The following BAHCC1 variants were observed in gnomAD, a reference collection of about 807,000 sequenced individuals.
The protein encoded by BAHCC1 is BAH domain and coiled-coil containing 1.
BAHCC1 carries 43 observed loss-of-function variants against 88.2 expected under a neutral mutation model. The observed-to-expected ratio is 0.49, with a 90% CI of 0.38 to 0.63. The LOEUF (loss-of-function observed/expected upper bound fraction) is 0.63, where lower values mean the gene tolerates loss of function less well. Among genes scored for constraint, BAHCC1 ranks in the 20% least tolerant of loss-of-function variants. The pLI, the probability that BAHCC1 is intolerant of heterozygous loss-of-function variation, is 0.00. For synonymous variants in BAHCC1, 1,510 were observed against 745.5 expected, an observed-to-expected ratio of 2.03 and a Z score of -16.71; for missense variants, 3,023 against 1,654.8, an observed-to-expected ratio of 1.83 and a Z score of -14.34.
At chr17:81,462,233 C>A (rs868955406) in intron 26 of BAHCC1, among the ~76,000 whole-genome samples, 187 bp downstream of exon 26, 1 of 152,256 alleles carries the variant, frequency 6.6e-6, no homozygotes, top group Non-Finnish European at 1.5e-5. Flanking sequence ...TTCCGCTGGC[C>A]CCTCGCTGGA....
intron 15 of BAHCC1, 28 bp downstream of exon 15, chr17:81,455,418 C>G (rs563793345): frequency 5.8e-5 from 41 of 712,494 alleles, no homozygotes; most frequent in Admixed American, 1.0e-4. Flanking sequence ...CGCCTTGCCC[C>G]AGGGCCCTTC....
In BAHCC1 at chr17:81,460,872, C is replaced by A. The variant is rs782638820; in HGVS notation, c.6209C>A (p.Ala2070Asp). The A allele has an allele frequency of 2.1e-5, 16 of 766,392 alleles. No homozygotes were observed. The highest frequency in any genetic ancestry group is 4.8e-6 in the Non-Finnish European group (2 of 417,902). 47.5% of individuals were successfully genotyped at this position (766,392 alleles called of 1,614,324 possible). ...GCTGGGCTTTTGCCCTCAGGTAAAG[C>A]CGAACTCCTAACCTCAGGTGCCAAA... The part of the protein sequence containing the change: ...KSISKDKAGK[A>D]ELLTSGAKSP... The change falls in exon 26 of 28, where the codon GCC (alanine) becomes GAC (aspartate). Residue 2070 changes from alanine to aspartate, a missense_variant. Coordinates refer to ENST00000675386, the MANE Select transcript of BAHCC1 (RefSeq NM_001377448.1).
At chr17:81,456,692 G>T (rs2064756188) in intron 16 of BAHCC1, 107 bp downstream of exon 16, 1 of 614,498 alleles carries the variant, frequency 1.6e-6, no homozygotes, top group Admixed American at 3.0e-5. Context: ...CTGGGTCATG[G>T]CTTGTGGGGT....
At position 81,441,880 on chromosome 17, in the gene BAHCC1, C is replaced by A; in HGVS notation, c.531C>A (p.Ala177=). Residue 177 remains alanine (A), a synonymous_variant, in exon 5 of 28, where the codon GCC becomes GCA. Coordinates refer to ENST00000675386, the MANE Select transcript of BAHCC1 (RefSeq NM_001377448.1). The stretch of plus-strand genomic sequence containing the variant: ...CGCCCCAGCCCACGCTGCTGCCGGC[C>A]AACCACAACTTCCCCAGCGTGGCCC... The part of the protein sequence containing the change: ...NLPPQPTLLP[A]NHNFPSVARA... 3.0e-6 allele frequency: 2 copies of A among 673,022 alleles called. No individual in the cohort carries two copies. The highest frequency in any genetic ancestry group is 3.3e-5 in the South Asian group (2 of 59,842). 41.7% of individuals were successfully genotyped at this position (673,022 alleles called of 1,614,324 possible).
rs782020162 is a variant in BAHCC1 at position 81,458,272 on chromosome 17, G to C, written c.5149G>C (p.Gly1717Arg). ...GCGGGCCCCAGGGCAGAGGCCCCCA[G>C]GTGCGCTGGGCAAGAAGAAAGCCAA... ...LERAPGQRPP[G>R]ALGKKKAKGK... The change falls in exon 18 of 28, where the codon GGT (glycine) becomes CGT (arginine). Residue 1717 changes from glycine (G) to arginine (R), a missense_variant. Coordinates refer to ENST00000675386, the MANE Select transcript of BAHCC1 (RefSeq NM_001377448.1). The C allele has an allele frequency of 1.5e-5, 11 of 747,436 alleles. No individual in the cohort carries two copies. The South Asian group carries it at 1.6e-4, about 11-fold the overall frequency. The allele number at this position is 747,436 out of a possible 1,614,324, so 46.3% of individuals were successfully genotyped here.
chr17:81,427,295 C>G (rs1003995120), intron 3 of BAHCC1, among the ~76,000 whole-genome samples: 1 of 152,148 alleles, frequency 6.6e-6, no homozygotes, highest in African/African-American at 2.4e-5. Flanking sequence ...CTGGGCCGGC[C>G]GGGCTGGGCT....
At chr17:81,438,734 C>A (rs954894981) in intron 4 of BAHCC1, among the ~76,000 whole-genome samples, 1 of 152,174 alleles carries the variant, frequency 6.6e-6, no homozygotes, top group Non-Finnish European at 1.5e-5. Flanking sequence ...AGACCTCTCA[C>A]TGCTCAGGTG....
chr17:81,409,962 G>C, intron 2 of BAHCC1: 1 of 232,774 alleles, frequency 4.3e-6, no homozygotes, highest in South Asian at 3.5e-5. Context: ...TGTGTAATGG[G>C]GCCCTGCCAA....
intron 17 of BAHCC1, 100 bp from the exon 18 acceptor site, chr17:81,458,065 G>A (rs1293643917): frequency 3.0e-6 from 2 of 666,448 alleles, no homozygotes; most frequent in South Asian, 1.7e-5. Flanking sequence ...GGGCGGGCAG[G>A]GGTTGCTAGG....
intron 2 of BAHCC1, chr17:81,413,226 C>T (rs979669179): frequency 2.8e-5 from 8 of 281,960 alleles, no homozygotes; most frequent in Non-Finnish European, 4.3e-5. Context: ...CCCCCCCGGG[C>T]GCTCGCTGCT....
chr17:81,415,379 C>G (rs2064006955), intron 2 of BAHCC1: 1 of 321,480 alleles, frequency 3.1e-6, no homozygotes, highest in South Asian at 2.3e-5. Flanking sequence ...TTGAAGGTGG[C>G]TGGGTGTGAA....
intron 2 of BAHCC1, among the ~76,000 whole-genome samples, chr17:81,412,688 C>T (rs1479958506): frequency 6.6e-6 from 1 of 152,242 alleles, no homozygotes; most frequent in Non-Finnish European, 1.5e-5. Context: ...TCCGCGCCCC[C>T]CGCCCCACCC....
rs1317484766 is a variant in BAHCC1, at chr17:81,442,333, G to A, written c.984G>A (p.Pro328=). Residue 328 remains proline (P), a synonymous_variant, in exon 5 of 28, where the codon CCG becomes CCA. Transcript: ENST00000675386. ...GRCAKEAAGP[P]EPGPAFSECL... is the part of the protein sequence containing the mutation. ...GTGCAAAGGAGGCAGCAGGCCCCCC[G>A]GAGCCCGGGCCGGCCTTCAGCGAGT... 17 of 688,380 alleles carry A rather than the reference G, an allele frequency of 2.5e-5. No homozygotes were observed. Among genetic ancestry groups the A allele is most frequent in the East Asian group, 8.2e-5 (3 of 36,788 alleles). The allele number at this position is 688,380 out of a possible 1,614,324, so 42.6% of individuals were successfully genotyped here.
intron 19 of BAHCC1, 30 bp downstream of exon 19, chr17:81,458,755 G>A: frequency 1.3e-6 from 1 of 747,738 alleles, no homozygotes. Context: ...GGAGCCCACT[G>A]TGCACCCACC....
intron 2 of BAHCC1, chr17:81,413,099 C>T (rs1555648077): frequency 4.5e-6 from 2 of 445,482 alleles, no homozygotes; most frequent in South Asian, 3.2e-5. Context: ...CACCAGGGTC[C>T]AGGGTTATCA....
rs781902981 is a variant in BAHCC1 at position 81,447,143 on chromosome 17, C to G, written c.3271C>G (p.Pro1091Ala). Residue 1091 changes from proline to alanine, a missense_variant, in exon 11 of 28, where the codon CCG (proline) becomes GCG (alanine). By Grantham distance (27) the Pro-to-Ala change is conservative (BLOSUM62 -1). Coordinates refer to ENST00000675386, the MANE Select transcript of BAHCC1 (RefSeq NM_001377448.1). Reference sequence around the variant, plus strand: ...CCCTGAAACTATGCAAACCACCGCCCCGGGGGCCCAGCCTGAGCCCACAAG... The same window carrying G: ...CCCTGAAACTATGCAAACCACCGCCGCGGGGGCCCAGCCTGAGCCCACAAG... The part of the protein sequence containing the change: ...EDPETMQTTA[P>A]GAQPEPTRTF... The G allele has an allele frequency of 1.3e-6, 1 of 778,830 alleles. No individual in the cohort carries two copies. The highest frequency in any genetic ancestry group is 2.4e-6 in the Non-Finnish European group (1 of 417,678). The allele number at this position is 778,830 out of a possible 1,614,324, so 48.2% of individuals were successfully genotyped here.
chr17:81,438,007 G>T (rs532197369), intron 3 of BAHCC1, among the ~76,000 whole-genome samples: 3 of 152,220 alleles, frequency 2.0e-5, no homozygotes, highest in Non-Finnish European at 2.9e-5. Context: ...GGGCCTTGGC[G>T]CAGAGTCTGT....
rs1240204534 is a variant in BAHCC1 at position 81,399,547 on chromosome 17, A to C, written c.-193A>C. ...TTGCCTCCACAGACCATGGACCCGC[A>C]CAGCGGCCGCTGGCTCGGTGCGCGG... is the stretch of plus-strand genomic sequence containing the variant. On this transcript the variant is annotated 5_prime_UTR_variant, in exon 2 of 28. Coordinates refer to ENST00000675386, the MANE Select transcript of BAHCC1 (RefSeq NM_001377448.1). The surrounding 1 kb of genome is among the most constrained non-coding windows in gnomAD (Gnocchi z 4.5). The C allele has an allele frequency of 7.8e-6, 3 of 385,710 alleles. No individual in the cohort carries two copies. The highest frequency in any genetic ancestry group is 1.5e-5 in the Non-Finnish European group (3 of 196,648). 23.9% of individuals were successfully genotyped at this position (385,710 alleles called of 1,614,324 possible).
intron 3 of BAHCC1, among the ~76,000 whole-genome samples, chr17:81,430,793 G>A (rs1242638232): frequency 1.3e-5 from 2 of 152,062 alleles, no homozygotes; most frequent in Non-Finnish European, 2.9e-5. Context: ...TTCCTCGGTG[G>A]CTAAAACAGC....
Sources: gnomAD v4.1 joint callset for allele counts (sites outside exome capture counted in the v4.1 genomes callset) on GRCh38, gnomAD v4.1.1 for gene constraint, Gnocchi (gnomAD v3.1) non-coding constraint, MANE v1.5 for transcripts, NCBI Gene and HGNC (gene_info 2026-07-23, HGNC 2026-07-21) for gene names.